PARP4: variants seen among roughly 807,000 people sequenced by gnomAD.
PARP4 encodes the protein poly(ADP-ribose) polymerase family member 4.
A neutral mutation model predicts 187.7 loss-of-function variants in PARP4; 120 were observed. That is an observed-to-expected ratio of 0.64 (90% CI 0.55 to 0.74). The LOEUF is 0.74. Ranked by LOEUF, PARP4 falls within the 30% of genes least tolerant of loss-of-function variation. The probability of loss-of-function intolerance (pLI) is 0.00; values close to 1 mark genes in which losing one functional copy is unlikely to be tolerated. For synonymous variants in PARP4, 654 were observed against 740.9 expected, an observed-to-expected ratio of 0.88 and a Z score of 1.90; for missense variants, 1,836 against 2,070.5, an observed-to-expected ratio of 0.89 and a Z score of 2.20.
chr13:24,490,779 T>A lies in PARP4; in HGVS notation c.1103A>T (p.Asn368Ile). 6.2e-7 allele frequency: 1 copy of A among 1,614,092 alleles called. No homozygotes were observed. Among genetic ancestry groups the A allele is most frequent in the East Asian group, 2.2e-5 (1 of 44,882 alleles). ...NVCETNLSKP[N>I]PPSLAKYRAL... ...TCGGTATTTGGCCAGGGATGGTGGG[T>A]TGGGTTTGGACAAATTAGTTTCACA... The change falls in exon 10 of 34, where the codon AAC (asparagine) becomes ATC (isoleucine). Residue 368 changes from asparagine (N) to isoleucine (I), a missense_variant. By Grantham distance (149) the Asn-to-Ile change is moderately radical. Transcript: ENST00000381989.
intron 23 of PARP4, 98 bp from the exon 24 acceptor site, chr13:24,452,691 T>A (rs1871590283): frequency 1.1e-6 from 1 of 880,026 alleles, no homozygotes; most frequent in African/African-American, 1.7e-5. Context: ...AGGGATATGG[T>A]GACACCGAAA....
intron 20 of PARP4, among the ~76,000 whole-genome samples, chr13:24,456,877 G>T (rs1250484629): frequency 8.6e-5 from 13 of 151,944 alleles, no homozygotes; most frequent in Admixed American, 8.5e-4. Context: ...TCCAGCCTGG[G>T]TAACAACAGG....
At chr13:24,458,451 C>T (rs959206218) in intron 20 of PARP4, among the ~76,000 whole-genome samples, 1 of 151,740 alleles carries the variant, frequency 6.6e-6, no homozygotes, top group African/African-American at 2.4e-5. Context: ...CTGGCACAGG[C>T]CTGTAGCCCT....
chr13:24,437,849 C>CAAAAAAAAAAATAA (rs1870710418), intron 30 of PARP4, among the ~76,000 whole-genome samples: 1 of 118,376 alleles, frequency 8.4e-6, no homozygotes, highest in African/African-American at 3.3e-5. Flanking sequence ...GACTCCATCT[C>CAAAAAAAAAAATAA]AAAAAAAAAA....
intron 24 of PARP4, 178 bp downstream of exon 24, chr13:24,452,228 T>G: frequency 1.7e-6 from 1 of 572,678 alleles, no homozygotes; most frequent in East Asian, 2.9e-5. Flanking sequence ...AGCTAATGAG[T>G]GGCCAACCCA....
rs751196394 is a variant in PARP4, at chr13:24,435,017, T to A, written c.4124A>T (p.Asp1375Val). ...SQGPVPGTCA[D>V]WIPQSASCPT... Reference sequence around the variant, plus strand: ...ACAAGACGCCGACTGTGGGATCCAGTCAGCACAAGTGCCAGGCACAGGGCC... The same window carrying A: ...ACAAGACGCCGACTGTGGGATCCAGACAGCACAAGTGCCAGGCACAGGGCC... The change falls in exon 31 of 34, where the codon GAC becomes GTC. Residue 1375 changes from aspartate (D) to valine (V), a missense_variant. By Grantham distance (152) the Asp-to-Val change is radical. Transcript: ENST00000381989. The A allele has an allele frequency of 6.9e-5, 111 of 1,613,762 alleles. No homozygotes were observed. Among genetic ancestry groups the A allele is most frequent in the Non-Finnish European group, 9.0e-5 (106 of 1,180,026 alleles).
chr13:24,488,875 C>G (rs1392641913), intron 10 of PARP4, among the ~76,000 whole-genome samples: 5 of 152,192 alleles, frequency 3.3e-5, no homozygotes, highest in Admixed American at 3.3e-4. Context: ...GTGGATTTAT[C>G]TATTCTAGAT....
rs775591012 is a variant in PARP4, at chr13:24,453,574, C to T, written c.2826+13G>A. On this transcript the variant is annotated intron_variant, in intron 23 of 33. Transcript: ENST00000381989. ...AAAAGACCCAGGAGATACAGGAAGC[C>T]TCTTGCACTCACCATGATGAACTCT... is the stretch of plus-strand genomic sequence containing the variant. 23 of 1,540,466 alleles carry T rather than the reference C, an allele frequency of 1.5e-5. No individual in the cohort carries two copies. The Admixed American group carries it at 1.8e-4, about 12-fold the overall frequency.
At chr13:24,489,651 C>T (rs550407509) in intron 10 of PARP4, among the ~76,000 whole-genome samples, 1 of 152,148 alleles carries the variant, frequency 6.6e-6, no homozygotes, top group East Asian at 1.9e-4. Context: ...GAAATCATAG[C>T]CATCTTAGTA....
chr13:24,452,337 G>A, intron 24 of PARP4, 69 bp downstream of exon 24: 2 of 1,289,388 alleles, frequency 1.6e-6, no homozygotes, highest in Non-Finnish European at 2.2e-6. Context: ...GCTTGCCAAA[G>A]TCCCCTGCAG....
At chr13:24,485,338 AAT>A (rs1041746215) in intron 11 of PARP4, among the ~76,000 whole-genome samples, 2 of 152,178 alleles carry the variant, frequency 1.3e-5, no homozygotes, top group African/African-American at 4.8e-5. Flanking sequence ...ATATAAAAAA[AAT>A]ATGTTGTAGA....
At chr13:24,454,398 T>A (rs1271404776) in intron 22 of PARP4, among the ~76,000 whole-genome samples, 1 of 152,176 alleles carries the variant, frequency 6.6e-6, no homozygotes, top group Non-Finnish European at 1.5e-5. Flanking sequence ...TGAGAATCAA[T>A]AGGATAAGAC....
intron 22 of PARP4, 69 bp from the exon 23 acceptor site, chr13:24,453,723 A>G (rs1871661019): frequency 2.4e-6 from 2 of 829,068 alleles, no homozygotes; most frequent in Middle Eastern, 2.2e-4. Context: ...ACAAACAATA[A>G]TGTTATTTCA....
At position 24,426,552 on chromosome 13, in the gene PARP4, C is replaced by T; in HGVS notation, c.4893G>A (p.Leu1631=). 6.2e-7 allele frequency: 1 copy of T among 1,611,936 alleles called. No homozygotes were observed. ...ACCTGGTGCGAATAAACTGTAGTAC[C>T]AGCATTGTGGCAATTAGGTCCAGGA... The part of the protein sequence containing the change: ...ECLLDLIATM[L]VLQFIRTRLE... The change falls in exon 33 of 34, where the codon CTG becomes CTA. Residue 1631 remains leucine, a synonymous_variant. Coordinates refer to ENST00000381989, the MANE Select transcript of PARP4 (RefSeq NM_006437.4).
At chr13:24,503,800 G>T (rs777555362) in intron 1 of PARP4, 23 bp from the exon 2 acceptor site, 5 of 1,606,984 alleles carry the variant, frequency 3.1e-6, no homozygotes, top group Non-Finnish European at 3.4e-6. Flanking sequence ...AAGTTTTTAA[G>T]GACCCTCTCT....
intron 15 of PARP4, among the ~76,000 whole-genome samples, chr13:24,474,012 A>G (rs1233787376): frequency 6.6e-6 from 1 of 152,130 alleles, no homozygotes; most frequent in Non-Finnish European, 1.5e-5. Flanking sequence ...TTATAAGTCC[A>G]ACTTGGGTCT....
chr13:24,505,843 T>C (rs957850427), intron 1 of PARP4, among the ~76,000 whole-genome samples: 2 of 152,214 alleles, frequency 1.3e-5, no homozygotes, highest in African/African-American at 2.4e-5. Flanking sequence ...CTGTATTAGT[T>C]TGAGGATCGC....
intron 24 of PARP4, chr13:24,452,164 A>C (rs1399349364): frequency 2.4e-6 from 1 of 420,192 alleles, no homozygotes; most frequent in African/African-American, 2.0e-5. Flanking sequence ...TATTTTCATT[A>C]TCACCTTGGT....
intron 12 of PARP4, among the ~76,000 whole-genome samples, chr13:24,484,405 T>A (rs1368943491): frequency 6.6e-6 from 1 of 152,128 alleles, no homozygotes; most frequent in African/African-American, 2.4e-5. Context: ...ACTCCTGGGC[T>A]CAAGTGATCC....
Sources: allele counts gnomAD v4.1 joint callset (sites outside exome capture counted in the v4.1 genomes callset), GRCh38; gene constraint gnomAD v4.1.1; transcripts MANE v1.5; gene names NCBI Gene and HGNC (gene_info 2026-07-23, HGNC 2026-07-21).